The following FBXW11 variants were observed in gnomAD, a reference collection of about 807,000 sequenced individuals.
FBXW11 encodes the protein F-box/WD repeat-containing protein 11.
Under a neutral mutation model 77.6 loss-of-function variants are expected in FBXW11, and 19 were observed. The ratio of observed to expected loss-of-function variants is 0.24; its 90% CI spans 0.17 to 0.36. FBXW11 has a LOEUF of 0.36. Among genes scored for constraint, FBXW11 ranks in the 10% least tolerant of loss-of-function variants. The probability of loss-of-function intolerance (pLI) is 1.00; values close to 1 mark genes in which losing one functional copy is unlikely to be tolerated. For synonymous variants in FBXW11, 235 were observed against 249.4 expected, an observed-to-expected ratio of 0.94 and a Z score of 0.54; for missense variants, 334 against 704.2, an observed-to-expected ratio of 0.47 and a Z score of 5.95.
chr5:171,900,248 T>C, intron 4 of FBXW11, 148 bp from the exon 5 acceptor site: 1 of 633,184 alleles, frequency 1.6e-6, no homozygotes, highest in Non-Finnish European at 2.7e-6. Flanking sequence ...CTCAAATCCA[T>C]GAGTACATAA....
intron 1 of FBXW11, among the ~76,000 whole-genome samples, chr5:171,980,399 C>T (rs1765075837): frequency 6.6e-6 from 1 of 152,100 alleles, no homozygotes; most frequent in South Asian, 2.1e-4. Context: ...TTAAGACCTG[C>T]TATCCATCAA....
chr5:171,957,916 A>G, intron 1 of FBXW11, among the ~76,000 whole-genome samples: 1 of 152,190 alleles, frequency 6.6e-6, no homozygotes, highest in Middle Eastern at 3.2e-3. Context: ...CTAATTTCTC[A>G]GGGTACAGTG....
At chr5:171,930,295 T>G (rs982206729) in intron 2 of FBXW11, among the ~76,000 whole-genome samples, 7 of 152,162 alleles carry the variant, frequency 4.6e-5, no homozygotes, top group Non-Finnish European at 1.0e-4. Context: ...AAAGAACACC[T>G]GCAAAAAACC....
chr5:171,901,736 G>A (rs1171747138), intron 4 of FBXW11, among the ~76,000 whole-genome samples: 1 of 152,150 alleles, frequency 6.6e-6, no homozygotes, highest in African/African-American at 2.4e-5. Flanking sequence ...CAATTTCCCC[G>A]AATGCTCTAT....
intron 7 of FBXW11, among the ~76,000 whole-genome samples, chr5:171,888,990 A>G (rs1759110660): frequency 1.3e-5 from 2 of 152,238 alleles, no homozygotes; most frequent in Non-Finnish European, 2.9e-5. Context: ...GGGAGGAACA[A>G]AGATTGAAAA....
At chr5:171,872,223 AC>A (rs1757796121) in intron 10 of FBXW11, among the ~76,000 whole-genome samples, 1 of 152,190 alleles carries the variant, frequency 6.6e-6, no homozygotes, top group African/African-American at 2.4e-5. Flanking sequence ...AAAACAAAAA[AC>A]TTTTTTTAAT....
chr5:171,997,705 G>A (rs750121610), intron 1 of FBXW11, among the ~76,000 whole-genome samples: 49 of 152,176 alleles, frequency 3.2e-4, no homozygotes, highest in Non-Finnish European at 5.6e-4. Flanking sequence ...AATTTACTAG[G>A]TGACACCATT....
chr5:171,918,785 G>C (rs1170406342), intron 2 of FBXW11, among the ~76,000 whole-genome samples: 2 of 152,198 alleles, frequency 1.3e-5, no homozygotes, highest in Non-Finnish European at 2.9e-5. Flanking sequence ...TAGAAGGTTA[G>C]CAGCATCCTT....
intron 1 of FBXW11, among the ~76,000 whole-genome samples, chr5:171,967,232 T>G (rs1179080104): frequency 6.6e-6 from 1 of 152,166 alleles, no homozygotes; most frequent in Non-Finnish European, 1.5e-5. Flanking sequence ...GTAAGAAATT[T>G]TATCAAGGAG....
At chr5:171,890,299 C>T (rs1759252647) in intron 7 of FBXW11, among the ~76,000 whole-genome samples, 1 of 151,960 alleles carries the variant, frequency 6.6e-6, no homozygotes, top group South Asian at 2.1e-4. Flanking sequence ...GGGGCAGGCG[C>T]ATTACTTGAG....
intron 2 of FBXW11, among the ~76,000 whole-genome samples, chr5:171,930,724 A>C (rs2113060493): frequency 6.9e-6 from 1 of 144,810 alleles, no homozygotes; most frequent in East Asian, 2.0e-4. Flanking sequence ...GATCAATAAA[A>C]AAAATAAATA....
intron 1 of FBXW11, among the ~76,000 whole-genome samples, chr5:171,959,911 G>T (rs1321904444): frequency 6.6e-6 from 1 of 151,984 alleles, no homozygotes; most frequent in African/African-American, 2.4e-5. Flanking sequence ...AGGTGCAGGG[G>T]AATAAGGGCT....
intron 2 of FBXW11, among the ~76,000 whole-genome samples, chr5:171,941,963 T>C: frequency 6.6e-6 from 1 of 151,004 alleles, no homozygotes; most frequent in East Asian, 2.0e-4. Context: ...TTCCTGGGGA[T>C]ATGAGCTCAT....
At chr5:171,916,427 G>A (rs1481404490) in intron 2 of FBXW11, 2 of 985,008 alleles carry the variant, frequency 2.0e-6, no homozygotes, top group East Asian at 1.1e-4. Context: ...AGAGGGACAG[G>A]AGGGTGGGGC....
At position 171,868,627 on chromosome 5, in the gene FBXW11, G is replaced by A; in HGVS notation, c.*8C>T. ...GTACTCACCTGAAACGGGTGAAAGT[G>A]CAGACTGTTATCTAGAGATGTAAGT... On this transcript the variant is annotated 3_prime_UTR_variant, in exon 13 of 14. Transcript: ENST00000517395. 2 of 1,610,816 alleles carry A rather than the reference G, an allele frequency of 1.2e-6. No homozygotes were observed. The highest frequency in any genetic ancestry group is 1.7e-6 in the Non-Finnish European group (2 of 1,178,856).
At chr5:171,959,166 T>G (rs1763768780) in intron 1 of FBXW11, among the ~76,000 whole-genome samples, 1 of 151,810 alleles carries the variant, frequency 6.6e-6, no homozygotes, top group South Asian at 2.1e-4. Flanking sequence ...ATAAAAAAAT[T>G]GAGCAGCTTT....
chr5:171,923,894 G>A (rs368417157), intron 2 of FBXW11, among the ~76,000 whole-genome samples: 166 of 148,650 alleles, frequency 1.1e-3, no homozygotes, highest in African/African-American at 3.9e-3. Context: ...GGGAGGGTCC[G>A]CGGTGAAACC....
intron 2 of FBXW11, among the ~76,000 whole-genome samples, chr5:171,952,447 A>ATATATATATATATT (rs1200841290): frequency 1.4e-4 from 1 of 6,948 alleles, no homozygotes; most frequent in Non-Finnish European, 3.2e-4. Flanking sequence ...ATATATATAT[A>ATATATATATATATT]TTTTTTTTTT....
intron 1 of FBXW11, among the ~76,000 whole-genome samples, chr5:171,958,778 T>C (rs1763747411): frequency 1.3e-5 from 2 of 152,156 alleles, no homozygotes. Flanking sequence ...GCAAAATCAA[T>C]ACTCATGTAA....
Sources: allele counts gnomAD v4.1 joint callset (sites outside exome capture counted in the v4.1 genomes callset), GRCh38; gene constraint gnomAD v4.1.1; transcripts MANE v1.5; gene names NCBI Gene and HGNC (gene_info 2026-07-23, HGNC 2026-07-21).